COL24A1: variants seen among roughly 807,000 people sequenced by gnomAD.
The protein encoded by COL24A1 is collagen alpha-1(XXIV) chain.
Under a neutral mutation model 253.9 loss-of-function variants are expected in COL24A1, and 224 were observed. The ratio of observed to expected loss-of-function variants is 0.88; its 90% confidence interval spans 0.79 to 0.99. The LOEUF is 0.99. Among genes scored for constraint, COL24A1 ranks in the 50% least tolerant of loss-of-function variants. The probability of loss-of-function intolerance (pLI) is 0.00; values close to 1 mark genes in which losing one functional copy is unlikely to be tolerated. For synonymous variants in COL24A1, 685 were observed against 673.7 expected (o/e 1.02, Z -0.26); for missense variants, 2,131 against 2,068.5 (o/e 1.03, Z -0.59).
At chr1:85,760,690 C>CTTT (rs1666762636) in intron 55 of COL24A1, among the ~76,000 whole-genome samples, 1 of 152,030 alleles carries the variant, frequency 6.6e-6, no homozygotes, top group African/African-American at 2.4e-5. Context: ...CCATGTTAGG[C>CTTT]AGAAAATGTG....
At chr1:85,989,780 C>T (rs1694072087) in intron 19 of COL24A1, among the ~76,000 whole-genome samples, 1 of 152,040 alleles carries the variant, frequency 6.6e-6, no homozygotes, top group Admixed American at 6.6e-5. Flanking sequence ...ATACTGTTTC[C>T]CTCACCTTGA....
chr1:85,976,201 GC>G (rs747352983), intron 20 of COL24A1, among the ~76,000 whole-genome samples: 14 of 152,172 alleles, frequency 9.2e-5, no homozygotes, highest in Non-Finnish European at 2.1e-4. Context: ...GAGGGGCGAG[GC>G]CTGAAAGCCT....
chr1:86,060,235 C>T (rs1390555217), intron 8 of COL24A1, among the ~76,000 whole-genome samples: 1 of 151,980 alleles, frequency 6.6e-6, no homozygotes, highest in Non-Finnish European at 1.5e-5. Context: ...TTCATTCCTT[C>T]ATTTACTCAT....
At chr1:85,869,514 G>C (rs1001698084) in intron 35 of COL24A1, among the ~76,000 whole-genome samples, 2 of 152,164 alleles carry the variant, frequency 1.3e-5, no homozygotes, top group Non-Finnish European at 2.9e-5. Flanking sequence ...AGAAACTCTA[G>C]AAGCCAGAAG....
intron 58 of COL24A1, among the ~76,000 whole-genome samples, chr1:85,737,191 A>C (rs191208243): frequency 2.0e-5 from 3 of 152,350 alleles, no homozygotes; most frequent in African/African-American, 7.2e-5. Flanking sequence ...AAGCCAAATA[A>C]TAAAAAGACA....
chr1:85,871,931 T>C lies in COL24A1; in HGVS notation c.3138+2718A>G, dbSNP rs187343513. Among the ~76,000 whole-genome samples the C allele has an allele frequency of 2.7e-3, 409 of 152,320 alleles. 1 individual carries two copies. The highest frequency in any genetic ancestry group is 8.2e-3 in the African/African-American group (343 of 41,576). ...TTGTCCCTGTTTGCAGATGACATGATTGTATATTTAGAAAACCCCATCGTT... is the reference window on the plus strand; with the variant it reads ...TTGTCCCTGTTTGCAGATGACATGACTGTATATTTAGAAAACCCCATCGTT... On this transcript the variant is annotated intron_variant, in intron 35 of 59. Transcript: ENST00000370571.
Position 85,872,273 on chromosome 1 carries a change from G to T in COL24A1, c.3138+2376C>A, listed in dbSNP as rs542615032. Among the ~76,000 whole-genome samples, 22 of 152,216 alleles carry T rather than the reference G, an allele frequency of 1.4e-4. No homozygotes were observed. The East Asian group carries it at 4.2e-3, about 29-fold the overall frequency. Reference sequence around the variant, plus strand: ...TTGTCAAAATGGCCATATTGCCCAAGGTAGTTTATAGATTCAATACCATCC... The same window carrying T: ...TTGTCAAAATGGCCATATTGCCCAATGTAGTTTATAGATTCAATACCATCC... On this transcript the variant is annotated intron_variant, in intron 35 of 59. Coordinates refer to ENST00000370571, the MANE Select transcript of COL24A1 (RefSeq NM_152890.7).
At chr1:85,897,512 G>T (rs1683867201) in intron 28 of COL24A1, among the ~76,000 whole-genome samples, 1 of 152,136 alleles carries the variant, frequency 6.6e-6, no homozygotes, top group South Asian at 2.1e-4. Flanking sequence ...GCAACTGCTT[G>T]TCAGGAATTA....
At position 85,928,629 on chromosome 1, in the gene COL24A1, G is replaced by C. The variant is rs1168199816; in HGVS notation, c.2563-17196C>G. ...AAGAGCAACTCCAAGACACATAATT[G>C]TCAGATTCACCAAAGTTGAAATGAA... On this transcript the variant is annotated intron_variant, in intron 24 of 59. Transcript: ENST00000370571. Among the ~76,000 whole-genome samples, 44 of 52,672 alleles carry C rather than the reference G, an allele frequency of 8.4e-4. 16 individuals are homozygous for C. The highest frequency in any genetic ancestry group is 3.0e-3 in the African/African-American group (38 of 12,492). The allele number at this position is 52,672 out of a possible 152,430, so 34.6% of individuals were successfully genotyped here. A position where few individuals can be genotyped will look rare whatever the true frequency, so the allele number is the denominator to read the frequency against.
intron 19 of COL24A1, among the ~76,000 whole-genome samples, chr1:85,989,430 T>G (rs1446263428): frequency 6.6e-6 from 1 of 152,062 alleles, no homozygotes; most frequent in African/African-American, 2.4e-5. Flanking sequence ...ATCTCCTAAT[T>G]CACTGTCAGT....
In COL24A1 at chr1:86,022,944, A is replaced by G; in HGVS notation, c.2103+10T>C. 1.9e-6 allele frequency: 3 copies of G among 1,613,274 alleles called. No homozygotes were observed. The highest frequency in any genetic ancestry group is 4.5e-5 in the East Asian group (2 of 44,812). Reference sequence around the variant, plus strand: ...AAAGGGAAATATCCATTATACAAATAGAACCATACCATTGGGCCAGGAATT... The same window carrying G: ...AAAGGGAAATATCCATTATACAAATGGAACCATACCATTGGGCCAGGAATT... On this transcript the variant is annotated intron_variant, in intron 15 of 59. Transcript: ENST00000370571.
chr1:85,914,920 A>G (rs1233419103), intron 24 of COL24A1, among the ~76,000 whole-genome samples: 3 of 152,140 alleles, frequency 2.0e-5, no homozygotes, highest in Non-Finnish European at 4.4e-5. Context: ...CTTTATTTGA[A>G]GGTTAAGTAT....
chr1:86,015,767 T>C (rs981400372), intron 19 of COL24A1, among the ~76,000 whole-genome samples: 1 of 152,202 alleles, frequency 6.6e-6, no homozygotes, highest in Non-Finnish European at 1.5e-5. Context: ...GAAGTTTTAA[T>C]TACTCAATTT....
chr1:86,118,662 C>T (rs2221587), intron 3 of COL24A1, among the ~76,000 whole-genome samples: 26,548 of 151,920 alleles, frequency 0.17, 2,439 homozygotes, highest in South Asian at 0.27. Context: ...TACTTAGTGA[C>T]ATGGAGGAAA....
At chr1:86,135,264 C>G (rs1650040334) in intron 2 of COL24A1, among the ~76,000 whole-genome samples, 2 of 151,990 alleles carry the variant, frequency 1.3e-5, no homozygotes, top group Admixed American at 1.3e-4. Flanking sequence ...AGATGGGTTT[C>G]CTGAATACAG....
rs146414957 is a variant in COL24A1, at chr1:86,029,189, TAA to T, written c.2049+2687_2049+2688del. ...TCACACAGAGTTTCTCAGAAAGGAC[TAA>T]AGAAATCTCATAAGGTAGATAATAT... On this transcript the variant is annotated intron_variant, in intron 14 of 59. Transcript: ENST00000370571. Among the ~76,000 whole-genome samples the T allele has an allele frequency of 1.6e-3, 237 of 150,998 alleles. 1 individual carries two copies. The highest frequency in any genetic ancestry group is 0.011 in the East Asian group (56 of 5,156).
chr1:85,979,701 C>CAAAA (rs71078632), intron 20 of COL24A1, among the ~76,000 whole-genome samples: 1 of 143,636 alleles, frequency 7.0e-6, no homozygotes. Context: ...TAAAAACTGC[C>CAAAA]AAAAAAAAAA....
intron 3 of COL24A1, among the ~76,000 whole-genome samples, chr1:86,120,784 A>G (rs1267540337): frequency 6.6e-6 from 1 of 152,184 alleles, no homozygotes; most frequent in Non-Finnish European, 1.5e-5. Context: ...CAGCCATCCC[A>G]TTACTAGGTA....
chr1:86,099,747 GGACTAGGGAT>G (rs903041928), intron 5 of COL24A1, among the ~76,000 whole-genome samples: 31 of 152,196 alleles, frequency 2.0e-4, no homozygotes, highest in African/African-American at 7.0e-4. Flanking sequence ...CAAATGGCAT[GGACTAGGGAT>G]GACTAGCAGA....
Sources: gnomAD v4.1 joint callset for allele counts (sites outside exome capture counted in the v4.1 genomes callset) on GRCh38, gnomAD v4.1.1 for gene constraint, MANE v1.5 for transcripts, NCBI Gene and HGNC (gene_info 2026-07-23, HGNC 2026-07-21) for gene names.